The following DYNC2LI1 variants were observed in gnomAD, a reference collection of about 807,000 sequenced individuals.
The protein encoded by DYNC2LI1 is cytoplasmic dynein 2 light intermediate chain 1.
DYNC2LI1 carries 45 observed loss-of-function variants against 51.9 expected under a neutral mutation model. The observed-to-expected ratio is 0.87, with a 90% CI of 0.68 to 1.11. The LOEUF is 1.11. DYNC2LI1 is among the 50% of genes most tolerant of loss of function. The probability of loss-of-function intolerance (pLI) is 0.00; values close to 1 mark genes in which losing one functional copy is unlikely to be tolerated. For synonymous variants in DYNC2LI1, 130 were observed against 137.8 expected (o/e 0.94, Z 0.40); for missense variants, 490 against 417.4 (o/e 1.17, Z -1.51).
intron 7 of DYNC2LI1, 58 bp from the exon 8 acceptor site, chr2:43,796,660 A>T: frequency 8.0e-7 from 1 of 1,246,614 alleles, no homozygotes; most frequent in East Asian, 2.3e-5. Flanking sequence ...AATAATTTGA[A>T]TCTTCCTGCT....
At chr2:43,822,824 G>T in the DYNC2LI1 span, 6 of 1,614,184 alleles carry the variant, frequency 3.7e-6, no homozygotes, top group South Asian at 6.6e-5. Flanking sequence ...GAAAATCATG[G>T]TGGCAACAAC....
chr2:43,810,413 G>A (rs1383227127), downstream of DYNC2LI1: 3 of 985,366 alleles, frequency 3.0e-6, no homozygotes, highest in Non-Finnish European at 3.6e-6. Flanking sequence ...TCAAGAAGCA[G>A]GACAAAACAT....
chr2:43,813,709 G>GTTT (rs1214033245), downstream of DYNC2LI1, among the ~76,000 whole-genome samples: 175 of 33,974 alleles, frequency 5.2e-3, 16 homozygotes, highest in African/African-American at 0.014. Context: ...TTTTTTTTTC[G>GTTT]TTTTTTTTTT....
chr2:43,796,647 T>G, intron 7 of DYNC2LI1, 71 bp from the exon 8 acceptor site: 1 of 1,112,088 alleles, frequency 9.0e-7, no homozygotes, highest in Non-Finnish European at 1.4e-6. Context: ...CTATTCTACA[T>G]TTAATAATTT....
At chr2:43,824,397 G>A in the DYNC2LI1 span, 30 of 1,614,048 alleles carry the variant, frequency 1.9e-5, no homozygotes, top group South Asian at 2.2e-5. Flanking sequence ...TCTATTTCCC[G>A]TTCCTTGCTT....
chr2:43,809,434 G>A (rs1435098994), intron 12 of DYNC2LI1, among the ~76,000 whole-genome samples: 1 of 152,196 alleles, frequency 6.6e-6, no homozygotes, highest in African/African-American at 2.4e-5. Context: ...CAATTCATAT[G>A]TATTATGTAG....
chr2:43,802,310 C>A (rs1488295074), intron 10 of DYNC2LI1, among the ~76,000 whole-genome samples: 3 of 151,778 alleles, frequency 2.0e-5, no homozygotes, highest in African/African-American at 7.3e-5. Context: ...GATCTTTGAG[C>A]CTCGCACTTC....
chr2:43,795,418 C>T (rs1218421067), intron 6 of DYNC2LI1, among the ~76,000 whole-genome samples: 2 of 151,922 alleles, frequency 1.3e-5, no homozygotes, highest in South Asian at 2.1e-4. Flanking sequence ...GCAGGAGAAT[C>T]GCTTGAACCT....
chr2:43,812,043 CT>C (rs954580691), downstream of DYNC2LI1, among the ~76,000 whole-genome samples: 1 of 151,878 alleles, frequency 6.6e-6, no homozygotes, highest in African/African-American at 2.4e-5. Flanking sequence ...TATGTCAGCA[CT>C]TTTTTTCTTT....
chr2:43,805,469 T>C (rs1250790043), intron 12 of DYNC2LI1: 1 of 271,914 alleles, frequency 3.7e-6, no homozygotes, highest in East Asian at 7.0e-5. Context: ...TCACCTGTCA[T>C]CCCACCACCC....
At chr2:43,813,372 A>G, downstream of DYNC2LI1, 1 of 1,213,918 alleles carries the variant, frequency 8.2e-7, no homozygotes, top group Non-Finnish European at 1.2e-6. Context: ...ATCAACAAGT[A>G]TTTACCAAGC....
chr2:43,819,933 A>ACAAGCACC, the DYNC2LI1 span: 1 of 1,614,150 alleles, frequency 6.2e-7, no homozygotes. Flanking sequence ...TCCAGATCCA[A>ACAAGCACC]CAAGCACCCC....
rs1013732803 is a variant in DYNC2LI1, at chr2:43,778,598, T to G, written c.126+1699T>G. Among the ~76,000 whole-genome samples the G allele has an allele frequency of 5.3e-5, 8 of 152,322 alleles. No homozygotes were observed. The South Asian group carries it at 1.7e-3, about 32-fold the overall frequency. On this transcript the variant is annotated intron_variant, in intron 2 of 12. Transcript: ENST00000260605. ...ATGAGTAAATAACTAGTACTAGTCT[T>G]ATGGTACAAATACATTTCTATTACA...
the DYNC2LI1 span, chr2:43,824,862 G>T: frequency 6.2e-7 from 1 of 1,612,776 alleles, no homozygotes; most frequent in South Asian, 1.1e-5. Flanking sequence ...AAACATTCAT[G>T]ATGGGGAATG....
At chr2:43,819,978 A>G in the DYNC2LI1 span, 7 of 1,614,176 alleles carry the variant, frequency 4.3e-6, no homozygotes, top group Non-Finnish European at 5.9e-6. Flanking sequence ...ACTGTTGACT[A>G]TATTTGGATT....
chr2:43,815,873 G>A, the DYNC2LI1 span, among the ~76,000 whole-genome samples: 1 of 145,264 alleles, frequency 6.9e-6, no homozygotes, highest in Non-Finnish European at 1.5e-5. Context: ...CCAGCAAGAA[G>A]GATGGCTAGA....
intron 4 of DYNC2LI1, 69 bp downstream of exon 4, chr2:43,787,319 C>A: frequency 7.8e-7 from 1 of 1,278,510 alleles, no homozygotes; most frequent in Non-Finnish European, 1.1e-6. Flanking sequence ...CTTTGTTTTA[C>A]ATTTTCCATC....
At chr2:43,780,501 G>A (rs74343596) in intron 2 of DYNC2LI1, among the ~76,000 whole-genome samples, 5,116 of 152,258 alleles carry the variant, frequency 0.034, 283 homozygotes, top group African/African-American at 0.11. Flanking sequence ...TTTATAGGTG[G>A]CACTGGGGAG....
intron 1 of DYNC2LI1, chr2:43,775,692 C>CTTTTTT: frequency 3.1e-6 from 1 of 326,024 alleles, no homozygotes; most frequent in Non-Finnish European, 5.8e-6. Flanking sequence ...TTTTTATTTT[C>CTTTTTT]TTTTTTTTTT....
Sources: allele counts gnomAD v4.1 joint callset (sites outside exome capture counted in the v4.1 genomes callset), GRCh38; gene constraint gnomAD v4.1.1; transcripts MANE v1.5; gene names NCBI Gene and HGNC (gene_info 2026-07-23, HGNC 2026-07-21).